Variants in ARHGAP32 observed in about 807,000 individuals in gnomAD.
ARHGAP32 encodes the protein Rho GTPase activating protein 32.
In ARHGAP32, 51 loss-of-function variants were observed where a neutral mutation model predicts 186.5. That is an observed-to-expected ratio of 0.27 (90% CI 0.22 to 0.35). ARHGAP32 has a LOEUF of 0.35. Among genes scored for constraint, ARHGAP32 ranks in the 10% least tolerant of loss-of-function variants. The pLI is 1.00. For synonymous variants in ARHGAP32, 950 were observed against 964.3 expected (o/e 0.99, Z 0.27); for missense variants, 2,186 against 2,623.5 (o/e 0.83, Z 3.64).
At chr11:129,252,711 T>C (rs778846270) in intron 1 of ARHGAP32, among the ~76,000 whole-genome samples, 35 of 152,110 alleles carry the variant, frequency 2.3e-4, no homozygotes, top group Non-Finnish European at 4.4e-4. Context: ...GATGCCAGCA[T>C]GCAAAGAGGT....
intron 1 of ARHGAP32, among the ~76,000 whole-genome samples, chr11:129,275,729 C>A (rs1046756279): frequency 1.3e-5 from 2 of 152,194 alleles, no homozygotes; most frequent in African/African-American, 4.8e-5. Flanking sequence ...TCCTACAAAA[C>A]TTTACTGAAG....
intron 12 of ARHGAP32, among the ~76,000 whole-genome samples, chr11:128,989,354 T>C (rs907485621): frequency 6.6e-6 from 1 of 152,142 alleles, no homozygotes; most frequent in African/African-American, 2.4e-5. Flanking sequence ...AGAGATATCC[T>C]ACAAGGAAAG....
intron 11 of ARHGAP32, among the ~76,000 whole-genome samples, chr11:129,032,926 C>A (rs1389275363): frequency 2.0e-5 from 3 of 152,222 alleles, no homozygotes; most frequent in Non-Finnish European, 4.4e-5. Context: ...CCATCCCAAT[C>A]ACTGACCTTC....
rs1369802058 is a variant in ARHGAP32, at chr11:129,123,383, C to T, written c.444+63G>A. On this transcript the variant is annotated intron_variant, in intron 5 of 22. Coordinates refer to ENST00000682385, the MANE Select transcript of ARHGAP32 (RefSeq NM_001378024.1). This position sits in a 1 kb window ranked among gnomAD's most constrained non-coding sequence, Gnocchi z 4.6. ...TATTAGATACAGATATATAGATAAGCATCTAGATATAAAGGTAAATGTGTA... is the reference window on the plus strand; with the variant it reads ...TATTAGATACAGATATATAGATAAGTATCTAGATATAAAGGTAAATGTGTA... 3.1e-6 allele frequency: 4 copies of T among 1,310,572 alleles called. No individual in the cohort carries two copies. The highest frequency in any genetic ancestry group is 4.4e-6 in the Non-Finnish European group (4 of 917,944). 81.2% of individuals were successfully genotyped at this position (1,310,572 alleles called of 1,614,324 possible). A position where few individuals can be genotyped will look rare whatever the true frequency, so the allele number is the denominator to read the frequency against.
intron 20 of ARHGAP32, among the ~76,000 whole-genome samples, chr11:128,975,392 T>C (rs1159952248): frequency 6.6e-6 from 1 of 152,212 alleles, no homozygotes; most frequent in Non-Finnish European, 1.5e-5. Context: ...TTAATCACTT[T>C]GAGTGGCATT....
chr11:129,232,771 T>A (rs1944876033), intron 1 of ARHGAP32, among the ~76,000 whole-genome samples: 1 of 152,174 alleles, frequency 6.6e-6, no homozygotes, highest in African/African-American at 2.4e-5. Flanking sequence ...CACTCTCTGC[T>A]TAGACACTGG....
intron 1 of ARHGAP32, among the ~76,000 whole-genome samples, chr11:129,268,849 A>G (rs960630344): frequency 2.0e-5 from 3 of 152,048 alleles, no homozygotes; most frequent in Admixed American, 1.3e-4. Flanking sequence ...ACCCTGCTCC[A>G]TTTCTAAAAG....
At chr11:129,161,480 A>C (rs1007409176) in intron 2 of ARHGAP32, among the ~76,000 whole-genome samples, 32 of 152,104 alleles carry the variant, frequency 2.1e-4, no homozygotes, top group African/African-American at 7.7e-4. Context: ...ACCATCAAAA[A>C]GTTAGCAAAG....
At chr11:129,053,655 A>G (rs1430665366) in intron 10 of ARHGAP32, among the ~76,000 whole-genome samples, 1 of 152,308 alleles carries the variant, frequency 6.6e-6, no homozygotes, top group East Asian at 1.9e-4. Context: ...ATCTAAAATG[A>G]GATCATTATA....
chr11:129,265,976 TTC>T (rs1259527624), intron 1 of ARHGAP32, among the ~76,000 whole-genome samples: 2 of 152,164 alleles, frequency 1.3e-5, no homozygotes, highest in South Asian at 2.1e-4. Context: ...ATAAAAATAA[TTC>T]TGTTTAGTAG....
rs752928976 is a variant in ARHGAP32, at chr11:128,969,283, G to C, written c.5930C>G (p.Ser1977Cys). Residue 1977 changes from serine to cysteine, a missense_variant, in exon 23 of 23, where the codon TCC (serine) becomes TGC (cysteine). Physicochemically the swap from Ser to Cys is moderately radical, Grantham distance 112 (BLOSUM62 -1). This residue lies in a region of ARHGAP32 where 1,502 missense variants were observed against 1,570.0 expected (regional missense o/e 0.96). Coordinates refer to ENST00000682385, the MANE Select transcript of ARHGAP32 (RefSeq NM_001378024.1). The surrounding 1 kb of genome is among the most constrained non-coding windows in gnomAD (Gnocchi z 4.8). The part of the protein sequence containing the change: ...VRQPSAPEKH[S>C]RDCYKEEEHL... ...TTCTTCCTCCTTGTAGCAGTCTCTG[G>C]AGTGTTTCTCTGGGGCAGAAGGCTG... 6.2e-7 allele frequency: 1 copy of C among 1,614,226 alleles called. No homozygotes were observed. Among genetic ancestry groups the C allele is most frequent in the Non-Finnish European group, 8.5e-7 (1 of 1,180,052 alleles).
At chr11:129,165,904 A>T (rs889858965) in intron 1 of ARHGAP32, among the ~76,000 whole-genome samples, 2 of 152,094 alleles carry the variant, frequency 1.3e-5, no homozygotes, top group Admixed American at 1.3e-4. Context: ...TTTTCTGAAC[A>T]CAGTATGGGG....
chr11:129,008,815 C>T (rs1042191990), intron 11 of ARHGAP32, among the ~76,000 whole-genome samples: 16 of 152,152 alleles, frequency 1.1e-4, no homozygotes, highest in Admixed American at 1.0e-3. Flanking sequence ...ATTACATGCT[C>T]ACTTTTCTAC....
At chr11:129,019,116 TTC>T (rs1342571023) in intron 11 of ARHGAP32, among the ~76,000 whole-genome samples, 1 of 152,182 alleles carries the variant, frequency 6.6e-6, no homozygotes, top group Admixed American at 6.5e-5. Flanking sequence ...GCTGAAGAAA[TTC>T]TGTCACTGAC....
chr11:129,171,205 T>C (rs894355788), intron 1 of ARHGAP32, among the ~76,000 whole-genome samples: 7 of 152,272 alleles, frequency 4.6e-5, no homozygotes, highest in East Asian at 1.9e-4. Context: ...TTGGCTCTTA[T>C]TGCAATTGCT....
chr11:129,223,814 A>G (rs908485012), intron 1 of ARHGAP32, among the ~76,000 whole-genome samples: 18 of 152,236 alleles, frequency 1.2e-4, no homozygotes, highest in African/African-American at 4.3e-4. Context: ...AGCAATTAAG[A>G]TGAATAATGT....
intron 1 of ARHGAP32, among the ~76,000 whole-genome samples, chr11:129,169,373 TG>T (rs895435121): frequency 2.0e-5 from 3 of 152,072 alleles, no homozygotes; most frequent in Non-Finnish European, 4.4e-5. Context: ...GGCTCAAGGC[TG>T]TAATCCCAGC....
intron 1 of ARHGAP32, among the ~76,000 whole-genome samples, chr11:129,207,581 GGTTT>G (rs1944529912): frequency 6.6e-6 from 1 of 151,638 alleles, no homozygotes; most frequent in African/African-American, 2.4e-5. Context: ...CTTTTTTATG[GGTTT>G]TTTTTTATAT....
intron 1 of ARHGAP32, among the ~76,000 whole-genome samples, chr11:129,239,148 C>T (rs1944982458): frequency 6.6e-6 from 1 of 152,138 alleles, no homozygotes; most frequent in East Asian, 1.9e-4. Context: ...CTATGCCAGG[C>T]CACGATAATA....
Sources: gnomAD v4.1 joint callset for allele counts (sites outside exome capture counted in the v4.1 genomes callset) on GRCh38, gnomAD v4.1.1 for gene constraint, gnomAD v4.1.1 regional missense constraint, Gnocchi (gnomAD v3.1) non-coding constraint, MANE v1.5 for transcripts, NCBI Gene and HGNC (gene_info 2026-07-23, HGNC 2026-07-21) for gene names.